GPR26: variants seen among roughly 807,000 people sequenced by gnomAD.
GPR26 encodes G protein-coupled receptor 26.
In GPR26, 15 loss-of-function variants were observed where a neutral mutation model predicts 23.1. The ratio of observed to expected loss-of-function variants is 0.65; its 90% CI spans 0.43 to 1.00. The LOEUF (loss-of-function observed/expected upper bound fraction) is 1.00, where lower values mean the gene tolerates loss of function less well. Ranked by LOEUF, GPR26 falls within the 50% of genes least tolerant of loss-of-function variation. GPR26 has a pLI of 0.00. For synonymous variants in GPR26, 228 were observed against 222.1 expected (o/e 1.03, Z -0.24); for missense variants, 359 against 470.5 (o/e 0.76, Z 2.19).
chr10:123,689,699 A>T lies in GPR26; in HGVS notation c.*1539A>T, dbSNP rs1845471379. On this transcript the variant is annotated 3_prime_UTR_variant, in exon 3 of 3. Coordinates refer to ENST00000284674, the MANE Select transcript of GPR26 (RefSeq NM_153442.4). ...AGTCTATTGGTTTTTACTTCTAGGC[A>T]GTCCCAATTTTTAAAGGCAGAGAAG... 6.6e-6 allele frequency: 1 copy of T among 152,220 alleles called. No individual in the cohort carries two copies. Among genetic ancestry groups the T allele is most frequent in the Non-Finnish European group, 1.5e-5 (1 of 68,044 alleles). 9.4% of individuals were successfully genotyped at this position (152,220 alleles called of 1,614,324 possible).
At position 123,680,827 on chromosome 10, in the gene GPR26, T is replaced by TG. The variant is rs71026068; in HGVS notation, c.782+5907dup. On this transcript the variant is annotated intron_variant, in intron 2 of 2. Coordinates refer to ENST00000284674, the MANE Select transcript of GPR26 (RefSeq NM_153442.4). The stretch of plus-strand genomic sequence containing the variant: ...TTTTTTTTGTTTTGTTTTGTTTTTT[T>TG]GGGGGGGGGGGTTGTTTTTTTGTTT... Among the ~76,000 whole-genome samples, 718 of 95,664 alleles carry TG rather than the reference T, an allele frequency of 7.5e-3. 15 individuals are homozygous for TG. Among genetic ancestry groups the TG allele is most frequent in the African/African-American group, 0.027 (673 of 25,160 alleles). The allele number at this position is 95,664 out of a possible 152,430, so 62.8% of individuals were successfully genotyped here. A position where few individuals can be genotyped will look rare whatever the true frequency, so the allele number is the denominator to read the frequency against.
rs145016719 is a variant in GPR26, at chr10:123,678,545, G to A, written c.782+3614G>A. 4.1e-3 allele frequency among the ~76,000 whole-genome samples: 629 copies of A among 152,300 alleles called. 1 individual carries two copies. The highest frequency in any genetic ancestry group is 4.2e-3 in the Non-Finnish European group (289 of 68,014). Reference sequence around the variant, plus strand: ...GAAACAAGGCAGCAGGGAGAGGAGTGCAAGGCAAATAGAGCCTCCTGGTGG... The same window carrying A: ...GAAACAAGGCAGCAGGGAGAGGAGTACAAGGCAAATAGAGCCTCCTGGTGG... On this transcript the variant is annotated intron_variant, in intron 2 of 2. Transcript: ENST00000284674.
Position 123,687,961 on chromosome 10 carries a change from G to A in GPR26, c.815G>A (p.Gly272Asp). 1 of 1,613,424 alleles carries A rather than the reference G, an allele frequency of 6.2e-7. No homozygotes were observed. ...GAGCTCTTCTCCACGGTGCCCATCG[G>A]CTCCCACTGGGGGGTGCTGTCCAAG... ...LVELFSTVPI[G>D]SHWGVLSKCL... The change falls in exon 3 of 3, where the codon GGC (glycine) becomes GAC (aspartate). Residue 272 changes from glycine (G) to aspartate (D), a missense_variant. Physicochemically the swap from Gly to Asp is moderately conservative, Grantham distance 94 (BLOSUM62 -1). Coordinates refer to ENST00000284674, the MANE Select transcript of GPR26 (RefSeq NM_153442.4).
At chr10:123,681,817 C>T (rs970601456) in intron 2 of GPR26, among the ~76,000 whole-genome samples, 3 of 152,218 alleles carry the variant, frequency 2.0e-5, no homozygotes, top group African/African-American at 7.2e-5. Flanking sequence ...GTCTTTATAA[C>T]CATACCTGTC....
In GPR26 at chr10:123,687,641, TC is replaced by T. The variant is rs1257859194; in HGVS notation, c.783-287del. On this transcript the variant is annotated intron_variant, in intron 2 of 2. Coordinates refer to ENST00000284674, the MANE Select transcript of GPR26 (RefSeq NM_153442.4). ...GCAAAGTATCTAACCTCCTGGGACATCTGTTTCCTTGCATGTAAAACAGAGA... is the reference window on the plus strand; with the variant it reads ...GCAAAGTATCTAACCTCCTGGGACATTGTTTCCTTGCATGTAAAACAGAGA... 3.7e-5 allele frequency among the ~76,000 whole-genome samples: 5 copies of T among 134,654 alleles called. No individual in the cohort carries two copies. In the East Asian group the frequency reaches 1.1e-3, roughly 30 times the overall value. 88.3% of individuals were successfully genotyped at this position (134,654 alleles called of 152,430 possible).
intron 1 of GPR26, among the ~76,000 whole-genome samples, chr10:123,669,992 C>A (rs1327770483): frequency 5.3e-5 from 8 of 152,178 alleles, no homozygotes; most frequent in Non-Finnish European, 1.2e-4. Context: ...CCTGGTGCTC[C>A]CAGGCATGGC....
rs181121597 is a variant in GPR26 at position 123,695,374 on chromosome 10, C to T, written c.*7214C>T. Among the ~76,000 whole-genome samples the T allele has an allele frequency of 6.7e-4, 102 of 152,246 alleles. No homozygotes were observed. The highest frequency in any genetic ancestry group is 5.8e-4 in the East Asian group (3 of 5,184). On this transcript the variant is annotated 3_prime_UTR_variant, in exon 3 of 3. Coordinates refer to ENST00000284674, the MANE Select transcript of GPR26 (RefSeq NM_153442.4). ...TCACTGTTGTACTCATTCCCTGGCA[C>T]GGAAGAATTGTTGCACATCTTTAAT...
rs1223922333 is a variant in GPR26 at position 123,678,528 on chromosome 10, G to A, written c.782+3597G>A. 2.0e-5 allele frequency among the ~76,000 whole-genome samples: 3 copies of A among 152,178 alleles called. No individual in the cohort carries two copies. In the East Asian group the frequency reaches 5.8e-4, roughly 29 times the overall value. ...AGGAGACATCAGACCCTGAAACAAG[G>A]CAGCAGGGAGAGGAGTGCAAGGCAA... On this transcript the variant is annotated intron_variant, in intron 2 of 2. Coordinates refer to ENST00000284674, the MANE Select transcript of GPR26 (RefSeq NM_153442.4).
chr10:123,673,633 C>T (rs888215458), intron 1 of GPR26, among the ~76,000 whole-genome samples: 1 of 152,210 alleles, frequency 6.6e-6, no homozygotes, highest in African/African-American at 2.4e-5. Context: ...CTCTTAGCTT[C>T]TTCAAGCTTG....
At chr10:123,687,229 C>G (rs758211716) in intron 2 of GPR26, among the ~76,000 whole-genome samples, 3 of 152,160 alleles carry the variant, frequency 2.0e-5, no homozygotes, top group Non-Finnish European at 2.9e-5. Flanking sequence ...AGGGAAGAGG[C>G]CTTCCTTGCC....
rs1331879259 is a variant in GPR26 at position 123,688,251 on chromosome 10, C to A, written c.*91C>A. ...GGGGCCCCTGGGTGGACACCACCAG[C>A]CACCAGTCCCTGGCATGCCCAGTGA... On this transcript the variant is annotated 3_prime_UTR_variant, in exon 3 of 3. Transcript: ENST00000284674. 5 of 782,962 alleles carry A rather than the reference C, an allele frequency of 6.4e-6. No individual in the cohort carries two copies. The highest frequency in any genetic ancestry group is 1.1e-5 in the Non-Finnish European group (5 of 472,166). 48.5% of individuals were successfully genotyped at this position (782,962 alleles called of 1,614,324 possible). A position where few individuals can be genotyped will look rare whatever the true frequency, so the allele number is the denominator to read the frequency against.
chr10:123,677,194 T>G lies in GPR26; in HGVS notation c.782+2263T>G, dbSNP rs192253119. Among the ~76,000 whole-genome samples, 5 of 148,848 alleles carry G rather than the reference T, an allele frequency of 3.4e-5. No homozygotes were observed. In the South Asian group the frequency reaches 8.6e-4, roughly 26 times the overall value. ...CAACATTTTCCTTTTAAAAAAAAAA[T>G]TACAGCTAGGTTCTCTCTAATAGTG... On this transcript the variant is annotated intron_variant, in intron 2 of 2. Coordinates refer to ENST00000284674, the MANE Select transcript of GPR26 (RefSeq NM_153442.4).
intron 2 of GPR26, among the ~76,000 whole-genome samples, chr10:123,681,276 G>T (rs937847671): frequency 6.6e-6 from 1 of 152,064 alleles, no homozygotes; most frequent in Non-Finnish European, 1.5e-5. Context: ...CACAATGACC[G>T]CTCTGCTTCT....
rs1407372823 is a variant in GPR26, at chr10:123,666,806, C to T, written c.399C>T (p.His133=). 3 of 1,607,630 alleles carry T rather than the reference C, an allele frequency of 1.9e-6. No homozygotes were observed. The South Asian group carries it at 3.3e-5, about 18-fold the overall frequency. The change falls in exon 1 of 3, where the codon CAC becomes CAT. Residue 133 remains histidine, a synonymous_variant. Transcript: ENST00000284674. ...TCATGGTGGCCTACACGTGGCTGCA[C>T]GCGCTCACCTTCCCAGCCGCCGCGC... is the stretch of plus-strand genomic sequence containing the variant. ...AALMVAYTWL[H]ALTFPAAALA...
chr10:123,695,232 T>G lies in GPR26; in HGVS notation c.*7072T>G, dbSNP rs1269142306. 1.3e-5 allele frequency among the ~76,000 whole-genome samples: 2 copies of G among 152,202 alleles called. No homozygotes were observed. Among genetic ancestry groups the G allele is most frequent in the Non-Finnish European group, 2.9e-5 (2 of 68,032 alleles). Reference sequence around the variant, plus strand: ...CACGTATACCCATATTTAAGGACTTTTAAAGTAATTTGGATTTTTAACTCA... The same window carrying G: ...CACGTATACCCATATTTAAGGACTTGTAAAGTAATTTGGATTTTTAACTCA... On this transcript the variant is annotated 3_prime_UTR_variant, in exon 3 of 3. Transcript: ENST00000284674.
intron 2 of GPR26, among the ~76,000 whole-genome samples, chr10:123,685,482 C>T (rs1038215874): frequency 3.3e-5 from 5 of 152,190 alleles, no homozygotes; most frequent in African/African-American, 1.2e-4. Flanking sequence ...CACAGCCGGG[C>T]CTGGAGGGGG....
chr10:123,682,117 T>C (rs919974414), intron 2 of GPR26, among the ~76,000 whole-genome samples: 1 of 152,184 alleles, frequency 6.6e-6, no homozygotes, highest in Non-Finnish European at 1.5e-5. Context: ...TGATTTCCAG[T>C]AGGGCCACGC....
At chr10:123,685,802 C>T (rs1845426167) in intron 2 of GPR26, among the ~76,000 whole-genome samples, 1 of 152,224 alleles carries the variant, frequency 6.6e-6, no homozygotes, top group African/African-American at 2.4e-5. Flanking sequence ...TGGAGCTGGG[C>T]TTCCCATGCA....
chr10:123,695,113 G>C lies in GPR26; in HGVS notation c.*6953G>C, dbSNP rs543311239. Reference sequence around the variant, plus strand: ...CCCTTCACTCCCACACCTATCTCCGGGTGTTGCCCGTACAGTGTGTCATGT... The same window carrying C: ...CCCTTCACTCCCACACCTATCTCCGCGTGTTGCCCGTACAGTGTGTCATGT... On this transcript the variant is annotated 3_prime_UTR_variant, in exon 3 of 3. Transcript: ENST00000284674. Among the ~76,000 whole-genome samples, 8 of 152,284 alleles carry C rather than the reference G, an allele frequency of 5.3e-5. No homozygotes were observed. Among genetic ancestry groups the C allele is most frequent in the Non-Finnish European group, 1.2e-4 (8 of 68,024 alleles).
Sources: gnomAD v4.1 joint callset for allele counts (sites outside exome capture counted in the v4.1 genomes callset) on GRCh38, gnomAD v4.1.1 for gene constraint, MANE v1.5 for transcripts, NCBI Gene and HGNC (gene_info 2026-07-23, HGNC 2026-07-21) for gene names.